Variants in PTPRK observed in about 807,000 individuals in gnomAD.
PTPRK encodes the protein receptor-type tyrosine-protein phosphatase kappa.
PTPRK carries 75 observed loss-of-function variants against 178.0 expected under a neutral mutation model. The observed-to-expected ratio is 0.42, with a 90% CI of 0.35 to 0.51. The LOEUF (loss-of-function observed/expected upper bound fraction) is 0.51, where lower values mean the gene tolerates loss of function less well. Ranked by LOEUF, PTPRK falls within the 20% of genes least tolerant of loss-of-function variation. The pLI, the probability that PTPRK is intolerant of heterozygous loss-of-function variation, is 0.02. For missense variants in PTPRK, 1,441 were observed against 1,797.8 expected (o/e 0.80, Z 3.59); for synonymous variants, 637 against 620.6 (o/e 1.03, Z -0.39).
intron 2 of PTPRK, among the ~76,000 whole-genome samples, chr6:128,359,322 G>A (rs1047450274): frequency 6.6e-6 from 1 of 152,156 alleles, no homozygotes; most frequent in African/African-American, 2.4e-5. Flanking sequence ...AGCCAAGGCA[G>A]TATTTTCTAT....
intron 1 of PTPRK, among the ~76,000 whole-genome samples, chr6:128,508,602 T>A (rs927429966): frequency 6.6e-5 from 10 of 152,118 alleles, no homozygotes; most frequent in Non-Finnish European, 1.0e-4. Context: ...CAGTTTCACT[T>A]TCTGTGGTTT....
At chr6:128,020,164 G>A (rs544203685) in intron 13 of PTPRK, among the ~76,000 whole-genome samples, 3 of 152,160 alleles carry the variant, frequency 2.0e-5, no homozygotes, top group Non-Finnish European at 4.4e-5. Flanking sequence ...AAGGAAAGGA[G>A]TGTAAATCAC....
intron 28 of PTPRK, 148 bp from the exon 29 acceptor site, chr6:127,973,305 G>A: frequency 7.7e-7 from 1 of 1,303,126 alleles, no homozygotes; most frequent in Non-Finnish European, 1.0e-6. Flanking sequence ...GTACAAGGCA[G>A]AGAGGAGAAA....
At chr6:128,238,459 T>C (rs550320694) in intron 5 of PTPRK, among the ~76,000 whole-genome samples, 85 of 152,148 alleles carry the variant, frequency 5.6e-4, no homozygotes, top group Non-Finnish European at 9.1e-4. Flanking sequence ...ACAAAACCCT[T>C]TTTATTTCAA....
At chr6:128,296,635 G>C (rs1349586451) in intron 3 of PTPRK, among the ~76,000 whole-genome samples, 1 of 152,096 alleles carries the variant, frequency 6.6e-6, no homozygotes, top group African/African-American at 2.4e-5. Context: ...AGCTTCATAA[G>C]TGAAGGAGAA....
chr6:128,231,084 A>G (rs1812213142), intron 5 of PTPRK, among the ~76,000 whole-genome samples: 1 of 152,252 alleles, frequency 6.6e-6, no homozygotes, highest in Admixed American at 6.5e-5. Context: ...AAAAGTAAAT[A>G]TGATTAAACT....
chr6:128,155,815 T>C (rs1404459454), intron 7 of PTPRK, among the ~76,000 whole-genome samples: 1 of 151,854 alleles, frequency 6.6e-6, no homozygotes, highest in East Asian at 1.9e-4. Context: ...TGTTATGAGA[T>C]GTTTCAAGCT....
intron 2 of PTPRK, among the ~76,000 whole-genome samples, chr6:128,367,560 G>A (rs1005114720): frequency 4.9e-4 from 75 of 152,154 alleles, no homozygotes; most frequent in African/African-American, 1.6e-3. Flanking sequence ...GTCTCAGGGC[G>A]GGCCTGGCAC....
At chr6:127,983,495 C>G (rs1775599527) in intron 22 of PTPRK, 118 bp from the exon 23 acceptor site, 1 of 1,058,852 alleles carries the variant, frequency 9.4e-7, no homozygotes, top group African/African-American at 1.6e-5. Context: ...AACTGCAAGG[C>G]ACAGCACTTG....
intron 1 of PTPRK, among the ~76,000 whole-genome samples, chr6:128,436,646 T>C (rs1480383533): frequency 2.0e-5 from 3 of 152,192 alleles, no homozygotes; most frequent in East Asian, 3.9e-4. Context: ...ATGCATTTTT[T>C]ATTTTAGCCT....
intron 1 of PTPRK, among the ~76,000 whole-genome samples, chr6:128,409,607 C>T (rs1842070792): frequency 6.6e-6 from 1 of 152,126 alleles, no homozygotes; most frequent in Admixed American, 6.5e-5. Context: ...TAGTGGTCTA[C>T]AATACAATCA....
At chr6:128,186,417 T>G (rs1006313773) in intron 6 of PTPRK, among the ~76,000 whole-genome samples, 1 of 152,018 alleles carries the variant, frequency 6.6e-6, no homozygotes, top group Non-Finnish European at 1.5e-5. Context: ...AAAACAAAAC[T>G]AAGATCAAAG....
intron 6 of PTPRK, among the ~76,000 whole-genome samples, chr6:128,197,183 T>TC (rs1562772049): frequency 2.5e-5 from 1 of 39,550 alleles, no homozygotes; most frequent in East Asian, 1.1e-3. Flanking sequence ...TTTGTTTTTT[T>TC]CTTTTTTTTT....
intron 10 of PTPRK, among the ~76,000 whole-genome samples, chr6:128,079,851 CA>C (rs925203335): frequency 9.2e-5 from 14 of 151,946 alleles, no homozygotes; most frequent in South Asian, 6.2e-4. Context: ...GACCATTTGC[CA>C]AAACAGTGGT....
intron 21 of PTPRK, among the ~76,000 whole-genome samples, chr6:127,987,818 G>T (rs1776153305): frequency 6.6e-6 from 1 of 152,062 alleles, no homozygotes; most frequent in African/African-American, 2.4e-5. Context: ...TATGATAAAT[G>T]AATAGTCGTT....
At chr6:128,376,098 A>T (rs1348699236) in intron 2 of PTPRK, among the ~76,000 whole-genome samples, 1 of 152,144 alleles carries the variant, frequency 6.6e-6, no homozygotes, top group Non-Finnish European at 1.5e-5. Flanking sequence ...CTGGTGTCTG[A>T]AGGACAGTGG....
chr6:128,381,260 GTCTTAA>G, intron 2 of PTPRK, among the ~76,000 whole-genome samples: 1 of 152,134 alleles, frequency 6.6e-6, no homozygotes, highest in African/African-American at 2.4e-5. Context: ...CATAAAAACA[GTCTTAA>G]GACTTGAGAA....
At chr6:128,393,340 C>T (rs1307983032) in intron 2 of PTPRK, among the ~76,000 whole-genome samples, 15 of 152,056 alleles carry the variant, frequency 9.9e-5, no homozygotes, top group African/African-American at 1.4e-4. Flanking sequence ...CCGCCCGCCT[C>T]GGTCTTCCAA....
intron 3 of PTPRK, among the ~76,000 whole-genome samples, chr6:128,307,892 A>T: frequency 6.7e-6 from 1 of 150,312 alleles, no homozygotes; most frequent in Admixed American, 6.6e-5. Flanking sequence ...AACAGCTTAG[A>T]GTCAACAAGT....
Sources: gnomAD v4.1 joint callset for allele counts (sites outside exome capture counted in the v4.1 genomes callset) on GRCh38, gnomAD v4.1.1 for gene constraint, MANE v1.5 for transcripts, NCBI Gene and HGNC (gene_info 2026-07-23, HGNC 2026-07-21) for gene names.